Variants in MIGA2 observed in about 807,000 individuals in gnomAD.
The protein encoded by MIGA2 is mitoguardin 2, also known as family with sequence similarity 73, member B.
In MIGA2, 36 loss-of-function variants were observed where a neutral mutation model predicts 69.9. That is an observed-to-expected ratio of 0.52 (90% CI 0.39 to 0.68). The LOEUF (loss-of-function observed/expected upper bound fraction) is 0.68. MIGA2 is among the 30% of genes least tolerant of loss of function. The pLI, the probability that MIGA2 is intolerant of heterozygous loss-of-function variation, is 0.00. For missense variants in MIGA2, 660 were observed against 787.7 expected, an observed-to-expected ratio of 0.84 and a Z score of 1.94; for synonymous variants, 333 against 349.2, an observed-to-expected ratio of 0.95 and a Z score of 0.52.
intron 3 of MIGA2, among the ~76,000 whole-genome samples, chr9:129,043,193 C>CAA (rs369584721): frequency 1.5e-4 from 19 of 130,972 alleles, no homozygotes; most frequent in African/African-American, 3.4e-4. Context: ...GACTCCGTCT[C>CAA]AAAAAAAAAA....
intron 2 of MIGA2, 103 bp downstream of exon 2, chr9:129,040,793 C>A: frequency 9.6e-7 from 1 of 1,046,734 alleles, no homozygotes; most frequent in Non-Finnish European, 1.4e-6. Context: ...TCTTGCTTTG[C>A]CAAACCTCTG....
intron 5 of MIGA2, among the ~76,000 whole-genome samples, 157 bp downstream of exon 5, chr9:129,049,655 TC>T (rs1445525733): frequency 6.6e-6 from 1 of 152,122 alleles, no homozygotes; most frequent in Non-Finnish European, 1.5e-5. Flanking sequence ...AGGGACAGTG[TC>T]TAGGAACAAA....
intron 6 of MIGA2, among the ~76,000 whole-genome samples, chr9:129,051,778 T>TA: frequency 6.7e-6 from 1 of 149,366 alleles, no homozygotes; most frequent in Non-Finnish European, 1.5e-5. Context: ...TTGTATTTTT[T>TA]AGTAGAGACG....
intron 6 of MIGA2, among the ~76,000 whole-genome samples, chr9:129,054,388 G>A (rs1346908663): frequency 4.0e-5 from 6 of 151,448 alleles, no homozygotes; most frequent in Non-Finnish European, 1.5e-5. Context: ...AGCCCAGAAG[G>A]TCAAGGCTGC....
Position 129,059,146 on chromosome 9 carries a change from T to TA in MIGA2, c.676-7dup. On this transcript the variant is annotated splice_region_variant and splice_polypyrimidine_tract_variant and intron_variant, in intron 6 of 15. Coordinates refer to ENST00000684074, the MANE Select transcript of MIGA2 (RefSeq NM_001329990.2). This position sits in a 1 kb window ranked among gnomAD's most constrained non-coding sequence, Gnocchi z 5.6. ...GGTCTGGGTTGAGGGTCCTTGTTTT[T>TA]ATGGCAGCCAGAGTCACAGCGGAAG... is the stretch of plus-strand genomic sequence containing the variant. The TA allele has an allele frequency of 6.2e-7, 1 of 1,613,002 alleles. No individual in the cohort carries two copies. Among genetic ancestry groups the TA allele is most frequent in the South Asian group, 1.1e-5 (1 of 91,026 alleles).
intron 10 of MIGA2, 105 bp downstream of exon 10, chr9:129,063,421 C>A: frequency 6.5e-7 from 1 of 1,546,166 alleles, no homozygotes; most frequent in Non-Finnish European, 8.8e-7. Flanking sequence ...GCCAGGCCTG[C>A]TCCCACACTG....
rs141679136 is a variant in MIGA2 at position 129,054,961 on chromosome 9, G to A, written c.676-4193G>A. ...GGCTGGCGTGCAGTGGCACAATCTC[G>A]GCTCACCACAACCTCCACCCCCCAG... On this transcript the variant is annotated intron_variant, in intron 6 of 15. Transcript: ENST00000684074. Among the ~76,000 whole-genome samples, 326 of 152,098 alleles carry A rather than the reference G, an allele frequency of 2.1e-3. 1 individual carries two copies. The highest frequency in any genetic ancestry group is 7.6e-3 in the African/African-American group (314 of 41,468).
rs375817134 is a variant in MIGA2 at position 129,050,009 on chromosome 9, C to T, written c.675+46C>T. ...CCCTACGCCCATGGGATAAAGTTGG[C>T]AGCACAGGAGAGGGGCGGCCACACC... On this transcript the variant is annotated intron_variant, in intron 6 of 15. Transcript: ENST00000684074. 7.0e-6 allele frequency: 11 copies of T among 1,579,780 alleles called. 1 individual carries two copies. The African/African-American group carries it at 1.5e-4, about 21-fold the overall frequency.
intron 2 of MIGA2, 151 bp from the exon 3 acceptor site, chr9:129,042,153 T>G: frequency 1.4e-6 from 1 of 693,706 alleles, no homozygotes; most frequent in Non-Finnish European, 2.5e-6. Context: ...AACTTCCCCG[T>G]CTAGGGTGGC....
intron 3 of MIGA2, among the ~76,000 whole-genome samples, chr9:129,046,841 C>T (rs1417621774): frequency 6.6e-5 from 10 of 151,854 alleles, no homozygotes; most frequent in Admixed American, 2.0e-4. Context: ...TGCAGTGGCA[C>T]AATTTCAGCT....
intron 11 of MIGA2, among the ~76,000 whole-genome samples, 183 bp downstream of exon 11, chr9:129,063,814 C>T (rs1846194280): frequency 6.6e-6 from 1 of 152,200 alleles, no homozygotes. Flanking sequence ...CCCTACTTAC[C>T]ATCCCGCAGT....
rs762580349 is a variant in MIGA2, at chr9:129,049,516, C to G, written c.538+18C>G. On this transcript the variant is annotated intron_variant, in intron 5 of 15. Transcript: ENST00000684074. ...CATGCAAGGTGTGGCCAGGAGGTGCCTCAGCTTCGAGGGCAGGGTGGGTGG... is the reference window on the plus strand; with the variant it reads ...CATGCAAGGTGTGGCCAGGAGGTGCGTCAGCTTCGAGGGCAGGGTGGGTGG... The G allele has an allele frequency of 6.2e-7, 1 of 1,610,284 alleles. No individual in the cohort carries two copies. Among genetic ancestry groups the G allele is most frequent in the Non-Finnish European group, 8.5e-7 (1 of 1,177,686 alleles).
At chr9:129,037,545 G>A (rs1461338574) in intron 1 of MIGA2, among the ~76,000 whole-genome samples, 9 of 152,096 alleles carry the variant, frequency 5.9e-5, no homozygotes, top group East Asian at 1.9e-4. Flanking sequence ...CCAGGGGGAC[G>A]GACACAGTGT....
At chr9:129,057,318 G>A (rs1845846069) in intron 6 of MIGA2, among the ~76,000 whole-genome samples, 1 of 151,902 alleles carries the variant, frequency 6.6e-6, no homozygotes, top group African/African-American at 2.4e-5. Context: ...TTGAGATGGA[G>A]TCTCGCTCTG....
At chr9:129,050,476 T>A (rs1159472994) in intron 6 of MIGA2, among the ~76,000 whole-genome samples, 1 of 151,918 alleles carries the variant, frequency 6.6e-6, no homozygotes, top group African/African-American at 2.4e-5. Flanking sequence ...GGTTTCACCA[T>A]GTTGGCCAGG....
At chr9:129,050,241 G>A (rs1346758021) in intron 6 of MIGA2, among the ~76,000 whole-genome samples, 1 of 152,152 alleles carries the variant, frequency 6.6e-6, no homozygotes, top group Non-Finnish European at 1.5e-5. Context: ...CGCCTCTGTT[G>A]AGGGTTGGCT....
chr9:129,066,392 A>G (rs547621791), intron 11 of MIGA2, among the ~76,000 whole-genome samples: 1 of 152,280 alleles, frequency 6.6e-6, no homozygotes, highest in Non-Finnish European at 1.5e-5. Flanking sequence ...TTAAGAAATG[A>G]GGCTGGGCGC....
chr9:129,048,590 G>A lies in MIGA2; in HGVS notation c.420+51G>A, dbSNP rs562529668. The A allele has an allele frequency of 8.3e-6, 12 of 1,442,554 alleles. No individual in the cohort carries two copies. The South Asian group carries it at 1.4e-4, about 16-fold the overall frequency. 89.4% of individuals were successfully genotyped at this position (1,442,554 alleles called of 1,614,324 possible). On this transcript the variant is annotated intron_variant, in intron 4 of 15. Transcript: ENST00000684074. The stretch of plus-strand genomic sequence containing the variant: ...GGGCTCCAGGTCCGGGCTTACCCCT[G>A]CTGAGGACTCTGCCCTCAGCAAGCT...
chr9:129,051,182 G>A (rs1030194904), intron 6 of MIGA2: 16 of 158,736 alleles, frequency 1.0e-4, no homozygotes, highest in Non-Finnish European at 1.5e-4. Flanking sequence ...GAGCTACCGC[G>A]CCTGGGCTTT....
Sources: allele counts gnomAD v4.1 joint callset (sites outside exome capture counted in the v4.1 genomes callset), GRCh38; gene constraint gnomAD v4.1.1; non-coding constraint Gnocchi (gnomAD v3.1); transcripts MANE v1.5; gene names NCBI Gene and HGNC (gene_info 2026-07-23, HGNC 2026-07-21).